CEP112: variants seen among roughly 807,000 people sequenced by gnomAD.
The protein encoded by CEP112 is centrosomal protein of 112 kDa.
CEP112 carries 127 observed loss-of-function variants against 153.0 expected under a neutral mutation model. The observed-to-expected ratio is 0.83, with a 90% CI of 0.72 to 0.96. The LOEUF (loss-of-function observed/expected upper bound fraction) is 0.96. Among genes scored for constraint, CEP112 ranks in the 40% least tolerant of loss-of-function variants. CEP112 has a pLI of 0.00. For missense variants in CEP112, 1,089 were observed against 1,101.2 expected, an observed-to-expected ratio of 0.99 and a Z score of 0.16; for synonymous variants, 358 against 374.4, an observed-to-expected ratio of 0.96 and a Z score of 0.51.
chr17:65,977,276 G>A (rs186523472), intron 17 of CEP112, among the ~76,000 whole-genome samples: 3 of 152,096 alleles, frequency 2.0e-5, no homozygotes, highest in Admixed American at 6.6e-5. Context: ...CGTATGGCCC[G>A]TAGTGGCTGC....
chr17:65,922,292 T>C (rs983274218), intron 19 of CEP112, among the ~76,000 whole-genome samples: 3 of 152,160 alleles, frequency 2.0e-5, no homozygotes, highest in African/African-American at 7.2e-5. Context: ...TGGTTTATGC[T>C]AATTACTATA....
At chr17:65,976,345 T>G (rs999650899) in intron 17 of CEP112, among the ~76,000 whole-genome samples, 13 of 152,256 alleles carry the variant, frequency 8.5e-5, no homozygotes, top group African/African-American at 3.1e-4. Flanking sequence ...GAGCATGTTA[T>G]TTATTGGCCT....
At chr17:66,104,313 A>G (rs1319372390) in intron 6 of CEP112, among the ~76,000 whole-genome samples, 1 of 152,170 alleles carries the variant, frequency 6.6e-6, no homozygotes, top group Non-Finnish European at 1.5e-5. Context: ...GGCACCAGGC[A>G]GAGTCCCAAG....
At chr17:65,774,020 G>A (rs1436935249) in intron 21 of CEP112, among the ~76,000 whole-genome samples, 1 of 150,754 alleles carries the variant, frequency 6.6e-6, no homozygotes, top group Non-Finnish European at 1.5e-5. Context: ...CCGGGAGGTG[G>A]AAGTTGCTGT....
At chr17:66,010,002 T>A (rs1024343800) in intron 16 of CEP112, among the ~76,000 whole-genome samples, 1 of 152,214 alleles carries the variant, frequency 6.6e-6, no homozygotes, top group South Asian at 2.1e-4. Context: ...GTGAAGAATG[T>A]CATTAGTGGT....
chr17:65,972,754 A>C (rs1478149065), intron 17 of CEP112, among the ~76,000 whole-genome samples: 1 of 152,148 alleles, frequency 6.6e-6, no homozygotes, highest in African/African-American at 2.4e-5. Flanking sequence ...AAAGAAGAGA[A>C]AAAATAATTT....
At chr17:65,896,674 C>T (rs2059670980) in intron 20 of CEP112, among the ~76,000 whole-genome samples, 1 of 151,988 alleles carries the variant, frequency 6.6e-6, no homozygotes, top group African/African-American at 2.4e-5. Context: ...TTTGCCCCCT[C>T]TATTTGGAAA....
intron 8 of CEP112, among the ~76,000 whole-genome samples, chr17:66,072,560 G>C (rs551680995): frequency 2.0e-4 from 30 of 152,274 alleles, no homozygotes; most frequent in African/African-American, 6.0e-4. Context: ...CTAGGTTTAT[G>C]AGATTTTGGC....
intron 4 of CEP112, among the ~76,000 whole-genome samples, chr17:66,171,823 T>C (rs36014358): frequency 0.14 from 20,705 of 152,224 alleles, 1,812 homozygotes; most frequent in Non-Finnish European, 0.2. Context: ...CCCTGAGATA[T>C]TTTGTTTTGG....
At chr17:65,916,146 AT>A (rs2060470721) in intron 19 of CEP112, among the ~76,000 whole-genome samples, 1 of 152,134 alleles carries the variant, frequency 6.6e-6, no homozygotes, top group Non-Finnish European at 1.5e-5. Flanking sequence ...AATAATAACC[AT>A]TTATAAAGTA....
intron 21 of CEP112, among the ~76,000 whole-genome samples, chr17:65,808,966 C>G (rs1228813233): frequency 6.6e-6 from 1 of 152,152 alleles, no homozygotes; most frequent in Admixed American, 6.5e-5. Context: ...CTCTTTTTCT[C>G]TCTCACCATG....
intron 18 of CEP112, among the ~76,000 whole-genome samples, chr17:65,929,816 C>T (rs957644014): frequency 6.6e-6 from 1 of 152,160 alleles, no homozygotes; most frequent in Non-Finnish European, 1.5e-5. Flanking sequence ...TTACAATTTC[C>T]AACGTTTAGT....
intron 24 of CEP112, among the ~76,000 whole-genome samples, chr17:65,660,208 T>TTCCTTCTTCCCTTC (rs1567823892): frequency 2.4e-5 from 1 of 41,916 alleles, no homozygotes; most frequent in East Asian, 1.6e-3. Context: ...TCCTTCCTTC[T>TTCCTTCTTCCCTTC]TTCCTTCCCT....
At chr17:66,018,495 C>T (rs1344508378) in intron 16 of CEP112, among the ~76,000 whole-genome samples, 4 of 152,192 alleles carry the variant, frequency 2.6e-5, no homozygotes, top group Non-Finnish European at 5.9e-5. Context: ...TGCTTCTTAA[C>T]TGCTATGACC....
chr17:65,828,957 A>C (rs1850731226), intron 21 of CEP112, among the ~76,000 whole-genome samples: 1 of 152,018 alleles, frequency 6.6e-6, no homozygotes, highest in Admixed American at 6.6e-5. Flanking sequence ...GGATATTTTT[A>C]AGGTTCACAG....
intron 8 of CEP112, among the ~76,000 whole-genome samples, chr17:66,086,101 A>T (rs2067918183): frequency 6.6e-6 from 1 of 152,084 alleles, no homozygotes; most frequent in Admixed American, 6.5e-5. Flanking sequence ...AGCAATAATT[A>T]TCTCTGAAGA....
intron 16 of CEP112, among the ~76,000 whole-genome samples, chr17:66,012,996 C>T (rs1598105065): frequency 6.6e-6 from 1 of 152,084 alleles, no homozygotes; most frequent in East Asian, 1.9e-4. Flanking sequence ...ATTCTTTCCT[C>T]AGCCTGGTTG....
chr17:65,682,353 TATCCAGCTCA>T (rs1334123308), intron 24 of CEP112, among the ~76,000 whole-genome samples: 3 of 151,856 alleles, frequency 2.0e-5, no homozygotes, highest in Non-Finnish European at 4.4e-5. Context: ...CTTTTGACAA[TATCCAGCTCA>T]AGCCTTCCGT....
chr17:65,872,650 C>T (rs983058062), intron 20 of CEP112, among the ~76,000 whole-genome samples: 5 of 151,828 alleles, frequency 3.3e-5, no homozygotes, highest in African/African-American at 1.2e-4. Context: ...TTTTCAAGAC[C>T]CACAGAGAAA....
Sources: allele counts gnomAD v4.1 joint callset (sites outside exome capture counted in the v4.1 genomes callset), GRCh38; gene constraint gnomAD v4.1.1; transcripts MANE v1.5; gene names NCBI Gene and HGNC (gene_info 2026-07-23, HGNC 2026-07-21).